The following ATP8A2 variants were observed in gnomAD, a reference collection of about 807,000 sequenced individuals.
ATP8A2 encodes the protein ATPase phospholipid transporting 8A2.
In ATP8A2, 100 loss-of-function variants were observed where a neutral mutation model predicts 165.6. The observed-to-expected ratio is 0.60, with a 90% CI of 0.51 to 0.71. ATP8A2 has a LOEUF of 0.71. ATP8A2 is among the 30% of genes least tolerant of loss of function. The probability of loss-of-function intolerance (pLI) is 0.00; values close to 1 mark genes in which losing one functional copy is unlikely to be tolerated. For missense variants in ATP8A2, 1,227 were observed against 1,479.5 expected, an observed-to-expected ratio of 0.83 and a Z score of 2.80; for synonymous variants, 543 against 548.8, an observed-to-expected ratio of 0.99 and a Z score of 0.15.
At chr13:25,831,549 A>C (rs1951470416) in intron 28 of ATP8A2, among the ~76,000 whole-genome samples, 1 of 152,138 alleles carries the variant, frequency 6.6e-6, no homozygotes, top group South Asian at 2.1e-4. Context: ...AATAGCATTA[A>C]AACAGACTTG....
rs182368524 is a variant in ATP8A2 at position 25,864,395 on chromosome 13, C to A, written c.3183+1987C>A. Among the ~76,000 whole-genome samples the A allele has an allele frequency of 1.1e-4, 16 of 152,316 alleles. No homozygotes were observed. The East Asian group carries it at 2.5e-3, about 24-fold the overall frequency. On this transcript the variant is annotated intron_variant, in intron 33 of 36. Transcript: ENST00000381655. ...GAATTAGGCTGCTTGCCAACTCTCA[C>A]TCCCATCGAGATACCGACTTTCCAA...
chr13:25,615,703 A>G (rs898399181), intron 24 of ATP8A2, among the ~76,000 whole-genome samples: 1 of 152,132 alleles, frequency 6.6e-6, no homozygotes, highest in African/African-American at 2.4e-5. Context: ...CTGGGGACTG[A>G]GAGATCCCAC....
chr13:25,457,986 G>T (rs2137468833), intron 1 of ATP8A2, among the ~76,000 whole-genome samples: 2 of 152,292 alleles, frequency 1.3e-5, no homozygotes, highest in Middle Eastern at 6.8e-3. Flanking sequence ...GTAGAGCATT[G>T]GGTTCATATG....
intron 24 of ATP8A2, among the ~76,000 whole-genome samples, chr13:25,618,131 T>G (rs913637199): frequency 1.3e-5 from 2 of 152,178 alleles, no homozygotes; most frequent in Non-Finnish European, 2.9e-5. Flanking sequence ...TTACTTAGAT[T>G]TCTGGTTTGC....
At chr13:25,441,010 T>A (rs1164553508) in intron 1 of ATP8A2, among the ~76,000 whole-genome samples, 1 of 152,154 alleles carries the variant, frequency 6.6e-6, no homozygotes, top group Non-Finnish European at 1.5e-5. Flanking sequence ...TATTCTGTGG[T>A]CTTGGAATAG....
Position 25,742,676 on chromosome 13 carries a change from TCTGTC to T in ATP8A2, c.2385-26369_2385-26365del, listed in dbSNP as rs1159099100. Among the ~76,000 whole-genome samples, 89 of 116,384 alleles carry T rather than the reference TCTGTC, an allele frequency of 7.6e-4. 1 individual carries two copies. Among genetic ancestry groups the T allele is most frequent in the Middle Eastern group, 4.3e-3 (1 of 230 alleles). 76.4% of individuals were successfully genotyped at this position (116,384 alleles called of 152,430 possible). A position where few individuals can be genotyped will look rare whatever the true frequency, so the allele number is the denominator to read the frequency against. Reference sequence around the variant, plus strand: ...ACTTTTCTCTCTCTCTCTCTCTCTCTCTGTCTTTTTTTTTTTTTTTTATGGTAAAT... The same window carrying T: ...ACTTTTCTCTCTCTCTCTCTCTCTCTTTTTTTTTTTTTTTTTATGGTAAAT... On this transcript the variant is annotated intron_variant, in intron 25 of 36. Coordinates refer to ENST00000381655, the MANE Select transcript of ATP8A2 (RefSeq NM_016529.6).
At chr13:25,578,344 G>A (rs1341640312) in intron 20 of ATP8A2, among the ~76,000 whole-genome samples, 2 of 152,198 alleles carry the variant, frequency 1.3e-5, no homozygotes, top group Admixed American at 6.5e-5. Context: ...CAGATGGGCT[G>A]TGCACCTGTG....
At chr13:25,442,883 ACT>A (rs1302026069) in intron 1 of ATP8A2, among the ~76,000 whole-genome samples, 1 of 151,960 alleles carries the variant, frequency 6.6e-6, no homozygotes, top group Non-Finnish European at 1.5e-5. Flanking sequence ...ACAGAGCAAG[ACT>A]CTGTCAATTT....
Position 26,024,421 on chromosome 13 carries a change from C to G in ATP8A2, c.*4436C>G, listed in dbSNP as rs1957128749. On this transcript the variant is annotated 3_prime_UTR_variant, in exon 37 of 37. Coordinates refer to ENST00000381655, the MANE Select transcript of ATP8A2 (RefSeq NM_016529.6). Reference sequence around the variant, plus strand: ...TCTGTAACTAATGTTCTGTTTAAAGCTCTCTTAATTTGTTGGCTATGAGTG... The same window carrying G: ...TCTGTAACTAATGTTCTGTTTAAAGGTCTCTTAATTTGTTGGCTATGAGTG... The G allele has an allele frequency of 6.6e-6, 1 of 152,152 alleles. No individual in the cohort carries two copies. Among genetic ancestry groups the G allele is most frequent in the African/African-American group, 2.4e-5 (1 of 41,422 alleles). The allele number at this position is 152,152 out of a possible 1,614,324, so 9.4% of individuals were successfully genotyped here.
chr13:25,968,939 G>A (rs1050790755), intron 35 of ATP8A2, among the ~76,000 whole-genome samples: 2 of 152,162 alleles, frequency 1.3e-5, no homozygotes, highest in African/African-American at 4.8e-5. Flanking sequence ...GAAAATCGAT[G>A]TTGTGGCAGT....
At chr13:25,615,530 C>G (rs2040800941) in intron 24 of ATP8A2, among the ~76,000 whole-genome samples, 1 of 152,164 alleles carries the variant, frequency 6.6e-6, no homozygotes, top group Admixed American at 6.5e-5. Flanking sequence ...GTGCTCCTGT[C>G]TGCACTCCTG....
chr13:25,538,920 AAG>A (rs2038374347), intron 7 of ATP8A2, among the ~76,000 whole-genome samples: 1 of 152,082 alleles, frequency 6.6e-6, no homozygotes, highest in Admixed American at 6.6e-5. Flanking sequence ...GAGGGGGAAA[AAG>A]AACCAATAAC....
At chr13:25,502,378 T>C (rs2036881562) in intron 2 of ATP8A2, among the ~76,000 whole-genome samples, 1 of 152,218 alleles carries the variant, frequency 6.6e-6, no homozygotes, top group Admixed American at 6.5e-5. Context: ...CATCATGTCA[T>C]TGGGAAAATG....
chr13:25,397,177 A>G (rs1006518493), intron 1 of ATP8A2, among the ~76,000 whole-genome samples: 1 of 152,172 alleles, frequency 6.6e-6, no homozygotes, highest in Non-Finnish European at 1.5e-5. Flanking sequence ...CACATTCTCC[A>G]GTTGTCCTTA....
intron 2 of ATP8A2, among the ~76,000 whole-genome samples, chr13:25,525,805 TTTG>T (rs1354762268): frequency 6.6e-6 from 1 of 152,096 alleles, no homozygotes; most frequent in Non-Finnish European, 1.5e-5. Context: ...GTCAGATCTG[TTTG>T]TTGTTCTCTG....
At chr13:25,851,952 C>A (rs1008738990) in intron 30 of ATP8A2, among the ~76,000 whole-genome samples, 2 of 152,168 alleles carry the variant, frequency 1.3e-5, no homozygotes, top group East Asian at 1.9e-4. Flanking sequence ...AAGCAACCGT[C>A]CTGCCTCAGT....
chr13:25,967,295 G>T (rs1955800447), intron 34 of ATP8A2, among the ~76,000 whole-genome samples: 2 of 152,222 alleles, frequency 1.3e-5, no homozygotes, highest in South Asian at 2.1e-4. Context: ...GGTATTATGT[G>T]TTAAAGCCTG....
chr13:25,664,066 T>C (rs1477296867), intron 24 of ATP8A2, among the ~76,000 whole-genome samples: 1 of 151,662 alleles, frequency 6.6e-6, no homozygotes, highest in Non-Finnish European at 1.5e-5. Flanking sequence ...AAAATTAGGC[T>C]AGTGTGGTGG....
At chr13:25,520,545 A>G (rs1388538849) in intron 2 of ATP8A2, among the ~76,000 whole-genome samples, 1 of 150,178 alleles carries the variant, frequency 6.7e-6, no homozygotes, top group Non-Finnish European at 1.5e-5. Context: ...TTTTGGCTCT[A>G]TAGCCAGAAG....
Sources: allele counts gnomAD v4.1 joint callset (sites outside exome capture counted in the v4.1 genomes callset), GRCh38; gene constraint gnomAD v4.1.1; transcripts MANE v1.5; gene names NCBI Gene and HGNC (gene_info 2026-07-23, HGNC 2026-07-21).